CPEB3: variants seen among roughly 807,000 people sequenced by gnomAD.
The protein encoded by CPEB3 is cytoplasmic polyadenylation element-binding protein 3.
A neutral mutation model predicts 67.2 loss-of-function variants in CPEB3; 20 were observed. The ratio of observed to expected loss-of-function variants is 0.30; its 90% CI spans 0.21 to 0.43. The LOEUF is 0.43. Among genes scored for constraint, CPEB3 ranks in the 20% least tolerant of loss-of-function variants. CPEB3 has a pLI of 1.00. For missense variants in CPEB3, 746 were observed against 968.6 expected, an observed-to-expected ratio of 0.77 and a Z score of 3.05; for synonymous variants, 376 against 393.1, an observed-to-expected ratio of 0.96 and a Z score of 0.51.
intron 9 of CPEB3, among the ~76,000 whole-genome samples, chr10:92,053,410 C>T (rs1841978028): frequency 6.6e-6 from 1 of 152,016 alleles, no homozygotes; most frequent in Non-Finnish European, 1.5e-5. Flanking sequence ...TGTCGCCAGG[C>T]TGGAGTGCAG....
chr10:92,233,953 A>C (rs898435499), intron 2 of CPEB3, among the ~76,000 whole-genome samples: 2 of 152,050 alleles, frequency 1.3e-5, no homozygotes, highest in Non-Finnish European at 2.9e-5. Flanking sequence ...TTAAAAATAC[A>C]AAAATCAGCC....
intron 6 of CPEB3, among the ~76,000 whole-genome samples, chr10:92,119,980 C>T (rs1237510196): frequency 3.3e-5 from 5 of 150,478 alleles, no homozygotes; most frequent in African/African-American, 7.3e-5. Flanking sequence ...TTGCGCCAGG[C>T]GCGGTGGCTC....
At chr10:92,062,806 G>A (rs1015961682) in intron 9 of CPEB3, among the ~76,000 whole-genome samples, 1 of 152,194 alleles carries the variant, frequency 6.6e-6, no homozygotes, top group Non-Finnish European at 1.5e-5. Context: ...GTGAGATCAC[G>A]TTACTGATCT....
chr10:92,065,931 A>G (rs1270694964), intron 9 of CPEB3, among the ~76,000 whole-genome samples: 1 of 151,862 alleles, frequency 6.6e-6, no homozygotes, highest in Non-Finnish European at 1.5e-5. Context: ...CCCCCTCTCT[A>G]TCAAAAACAC....
intron 3 of CPEB3, among the ~76,000 whole-genome samples, chr10:92,190,042 G>A (rs773002196): frequency 6.6e-6 from 1 of 152,010 alleles, no homozygotes; most frequent in East Asian, 1.9e-4. Context: ...ACTTTAGGAG[G>A]CCAAGGCGGG....
At chr10:92,199,724 T>G (rs529810480) in intron 2 of CPEB3, among the ~76,000 whole-genome samples, 1 of 149,738 alleles carries the variant, frequency 6.7e-6, no homozygotes, top group African/African-American at 2.5e-5. Flanking sequence ...CAAAACTAGC[T>G]GCTTCTAAAT....
At chr10:92,174,591 AG>A (rs981130909) in intron 4 of CPEB3, among the ~76,000 whole-genome samples, 1 of 152,208 alleles carries the variant, frequency 6.6e-6, no homozygotes, top group African/African-American at 2.4e-5. Flanking sequence ...GAAAAAATAA[AG>A]AAGAAAGATA....
At chr10:92,071,074 C>T (rs1270156608) in intron 9 of CPEB3, among the ~76,000 whole-genome samples, 9 of 18,154 alleles carry the variant, frequency 5.0e-4, no homozygotes, top group African/African-American at 1.3e-3. Context: ...TTCATTTACA[C>T]ACACACACAC....
At chr10:92,092,476 T>G (rs1843661486) in intron 7 of CPEB3, among the ~76,000 whole-genome samples, 1 of 152,044 alleles carries the variant, frequency 6.6e-6, no homozygotes, top group Non-Finnish European at 1.5e-5. Context: ...AAGATAACAA[T>G]AAAGCACAAA....
rs574481736 is a variant in CPEB3 at position 92,280,334 on chromosome 10, A to G, written c.-12+10592T>C. Among the ~76,000 whole-genome samples the G allele has an allele frequency of 3.8e-4, 51 of 135,844 alleles. No individual in the cohort carries two copies. In the South Asian group the frequency reaches 0.011, roughly 29 times the overall value. 89.1% of individuals were successfully genotyped at this position (135,844 alleles called of 152,430 possible). A position where few individuals can be genotyped will look rare whatever the true frequency, so the allele number is the denominator to read the frequency against. On this transcript the variant is annotated intron_variant, in intron 1 of 9. Coordinates refer to ENST00000265997, the MANE Select transcript of CPEB3 (RefSeq NM_014912.5). ...CTACAGCCTGGGCAACAAGAGCAAAACTCCATCTCAAAAAAAAAAAAAAAA... is the reference window on the plus strand; with the variant it reads ...CTACAGCCTGGGCAACAAGAGCAAAGCTCCATCTCAAAAAAAAAAAAAAAA...
intron 6 of CPEB3, among the ~76,000 whole-genome samples, chr10:92,115,999 T>C (rs1564792185): frequency 6.6e-6 from 1 of 151,610 alleles, no homozygotes; most frequent in Non-Finnish European, 1.5e-5. Flanking sequence ...CAGTATCAGT[T>C]TTCTTGTATC....
intron 9 of CPEB3, among the ~76,000 whole-genome samples, chr10:92,069,276 A>G (rs1158989424): frequency 6.6e-6 from 1 of 152,200 alleles, no homozygotes; most frequent in East Asian, 1.9e-4. Context: ...CAGAGAGAGA[A>G]AAAAAGATTA....
intron 2 of CPEB3, among the ~76,000 whole-genome samples, chr10:92,230,108 G>A: frequency 6.6e-6 from 1 of 151,786 alleles, no homozygotes; most frequent in Non-Finnish European, 1.5e-5. Context: ...TATACCACAT[G>A]TAAAGATAAA....
intron 6 of CPEB3, among the ~76,000 whole-genome samples, chr10:92,124,907 CA>C (rs1845543033): frequency 6.6e-6 from 1 of 152,206 alleles, no homozygotes; most frequent in South Asian, 2.1e-4. Context: ...TGTTTTTGCC[CA>C]CTCAAAGTAG....
At chr10:92,280,686 AC>A (rs1358075710) in intron 1 of CPEB3, among the ~76,000 whole-genome samples, 4 of 150,268 alleles carry the variant, frequency 2.7e-5, no homozygotes, top group East Asian at 1.9e-4. Context: ...ACAAACAAAA[AC>A]ACAAATATAA....
At chr10:92,055,362 T>G (rs1250198780) in intron 9 of CPEB3, among the ~76,000 whole-genome samples, 1 of 152,198 alleles carries the variant, frequency 6.6e-6, no homozygotes, top group Non-Finnish European at 1.5e-5. Flanking sequence ...TTTACCAGCT[T>G]TCTTAGGGAA....
At chr10:92,259,868 T>A (rs2134880118) in intron 1 of CPEB3, among the ~76,000 whole-genome samples, 1 of 152,354 alleles carries the variant, frequency 6.6e-6, no homozygotes, top group South Asian at 2.1e-4. Context: ...TTAATTCATT[T>A]AACCCATACA....
chr10:92,196,105 A>T (rs147868268), intron 2 of CPEB3, among the ~76,000 whole-genome samples: 1 of 152,364 alleles, frequency 6.6e-6, no homozygotes, highest in East Asian at 1.9e-4. Flanking sequence ...ATTAAAACAT[A>T]GATTCCTGGG....
intron 8 of CPEB3, among the ~76,000 whole-genome samples, chr10:92,084,471 G>T (rs1040337357): frequency 1.3e-5 from 2 of 152,204 alleles, no homozygotes; most frequent in Non-Finnish European, 2.9e-5. Flanking sequence ...AGGGCAATTT[G>T]TTGAGAAGCT....
Sources: gnomAD v4.1 joint callset for allele counts (sites outside exome capture counted in the v4.1 genomes callset) on GRCh38, gnomAD v4.1.1 for gene constraint, MANE v1.5 for transcripts, NCBI Gene and HGNC (gene_info 2026-07-23, HGNC 2026-07-21) for gene names.